The following CDKN2B-AS1 variants were observed in gnomAD, a reference collection of about 807,000 sequenced individuals.
The protein encoded by CDKN2B-AS1 is CDKN2B and CDKN2A antisense cis and trans regulatory RNA 1.
intron 4 of CDKN2B-AS1, among the ~76,000 whole-genome samples, chr9:22,068,268 G>T (rs940359563): frequency 2.0e-5 from 3 of 152,064 alleles, no homozygotes; most frequent in African/African-American, 4.8e-5. Flanking sequence ...TGGACCTCAA[G>T]GACTTTACAA....
chr9:22,090,988 T>C (rs536427558), intron 4 of CDKN2B-AS1, among the ~76,000 whole-genome samples: 30 of 152,326 alleles, frequency 2.0e-4, no homozygotes, highest in African/African-American at 6.0e-4. Context: ...TAATCCATCT[T>C]GAACTAATTT....
chr9:22,105,345 T>C (rs756385026), intron 4 of CDKN2B-AS1, among the ~76,000 whole-genome samples: 1 of 152,212 alleles, frequency 6.6e-6, no homozygotes, highest in African/African-American at 2.4e-5. Context: ...TAAATAAACA[T>C]GATCATTTAT....
At chr9:22,055,421 G>C (rs1823519603) in intron 3 of CDKN2B-AS1, among the ~76,000 whole-genome samples, 1 of 152,146 alleles carries the variant, frequency 6.6e-6, no homozygotes, top group Non-Finnish European at 1.5e-5. Flanking sequence ...TTTGCAACTT[G>C]CCATTTTCTT....
chr9:22,026,408 C>T (rs1201047537), intron 1 of CDKN2B-AS1, among the ~76,000 whole-genome samples: 2 of 152,192 alleles, frequency 1.3e-5, no homozygotes, highest in African/African-American at 4.8e-5. Context: ...CTGTGCTGTG[C>T]TGGGGGATCT....
chr9:22,023,533 A>G (rs1055313245), intron 1 of CDKN2B-AS1, among the ~76,000 whole-genome samples: 1 of 152,004 alleles, frequency 6.6e-6, no homozygotes, highest in African/African-American at 2.4e-5. Context: ...CAGGAGTTTG[A>G]GACCAGCCTG....
At chr9:22,075,866 G>C (rs1824471422) in intron 4 of CDKN2B-AS1, among the ~76,000 whole-genome samples, 2 of 152,082 alleles carry the variant, frequency 1.3e-5, no homozygotes, top group African/African-American at 2.4e-5. Context: ...GACTGTTAGA[G>C]CAGGGAAACT....
At chr9:22,042,290 G>A (rs1003477958) in intron 1 of CDKN2B-AS1, among the ~76,000 whole-genome samples, 10 of 151,992 alleles carry the variant, frequency 6.6e-5, no homozygotes, top group African/African-American at 1.9e-4. Context: ...CATGTTTCAG[G>A]CACTGGACAC....
rs1422531635 is a variant in CDKN2B-AS1, at chr9:22,039,647, A to T, written n.30-7104A>T. 6.6e-6 allele frequency among the ~76,000 whole-genome samples: 1 copy of T among 151,990 alleles called. No individual in the cohort carries two copies. Among genetic ancestry groups the T allele is most frequent in the Non-Finnish European group, 1.5e-5 (1 of 67,948 alleles). On this transcript the variant is annotated intron_variant and non_coding_transcript_variant, in intron 1 of 4. Coordinates refer to ENST00000650946, the Ensembl canonical transcript of CDKN2B-AS1. This position sits in a 1 kb window ranked among gnomAD's most constrained non-coding sequence, Gnocchi z 4.4. ...TTTGGATAATTTATATAGTCTCTTAAAAAAACAGATTATAGTAAGAAGTGG... is the reference window on the plus strand; with the variant it reads ...TTTGGATAATTTATATAGTCTCTTATAAAAACAGATTATAGTAAGAAGTGG...
chr9:22,049,242 A>C (rs1823235213), intron 3 of CDKN2B-AS1: 1 of 152,142 alleles, frequency 6.6e-6, no homozygotes, highest in African/African-American at 2.4e-5. Flanking sequence ...GGAGATATGA[A>C]ACGACCTTTT....
At chr9:22,052,583 C>G (rs1587462043) in intron 3 of CDKN2B-AS1, among the ~76,000 whole-genome samples, 1 of 152,166 alleles carries the variant, frequency 6.6e-6, no homozygotes, top group African/African-American at 2.4e-5. Context: ...AATACTCCCA[C>G]AGAGCACTCT....
At chr9:22,109,594 G>A (rs1044086053) in intron 4 of CDKN2B-AS1, among the ~76,000 whole-genome samples, 1 of 152,142 alleles carries the variant, frequency 6.6e-6, no homozygotes, top group Admixed American at 6.6e-5. Flanking sequence ...GTATTTTATT[G>A]TATGCCCATC....
intron 4 of CDKN2B-AS1, among the ~76,000 whole-genome samples, chr9:22,072,158 C>T (rs1824321381): frequency 6.6e-6 from 1 of 152,172 alleles, no homozygotes; most frequent in South Asian, 2.1e-4. Context: ...CTGTGGGTAA[C>T]TTGGGCCCAT....
chr9:21,998,997 A>T (rs992776417), intron 1 of CDKN2B-AS1, among the ~76,000 whole-genome samples: 3 of 152,206 alleles, frequency 2.0e-5, no homozygotes, highest in African/African-American at 7.2e-5. Flanking sequence ...AGGATATAAT[A>T]GTTTATAGTA....
intron 1 of CDKN2B-AS1, chr9:22,009,441 G>T: frequency 3.4e-6 from 1 of 294,520 alleles, no homozygotes; most frequent in Non-Finnish European, 6.5e-6. Context: ...CGAGGGCGGG[G>T]AAGCCTGCCC....
chr9:22,055,529 A>G lies in CDKN2B-AS1; in HGVS notation n.303-723A>G, dbSNP rs555451877. Among the ~76,000 whole-genome samples, 5 of 152,330 alleles carry G rather than the reference A, an allele frequency of 3.3e-5. No individual in the cohort carries two copies. The South Asian group carries it at 1.0e-3, about 32-fold the overall frequency. ...AGGCAGGATAAGTAGTTTTGCCAGC[A>G]TTCTTCTGTAGGTAGGTTGGTTGTT... On this transcript the variant is annotated intron_variant and non_coding_transcript_variant, in intron 3 of 4. Transcript: ENST00000650946.
intron 4 of CDKN2B-AS1, among the ~76,000 whole-genome samples, chr9:22,123,613 G>C (rs1826138914): frequency 6.6e-6 from 1 of 151,450 alleles, no homozygotes; most frequent in African/African-American, 2.4e-5. Context: ...CAATGATCCA[G>C]AAGTAATGAT....
At chr9:22,053,952 T>C (rs1344936769) in intron 3 of CDKN2B-AS1, among the ~76,000 whole-genome samples, 1 of 90,158 alleles carries the variant, frequency 1.1e-5, no homozygotes, top group Non-Finnish European at 2.2e-5. Flanking sequence ...TAAGCAGCCT[T>C]AAATTAAAAA....
chr9:22,118,190 C>G (rs1378948904), intron 4 of CDKN2B-AS1: 1 of 152,204 alleles, frequency 6.6e-6, no homozygotes, highest in Non-Finnish European at 1.5e-5. Flanking sequence ...AGTTGCACCA[C>G]ATAGTCACCT....
chr9:22,061,516 TCTGA>T lies in CDKN2B-AS1; in HGVS notation n.438+5135_438+5138del, dbSNP rs1490235560. Among the ~76,000 whole-genome samples, 11 of 152,178 alleles carry T rather than the reference TCTGA, an allele frequency of 7.2e-5. No individual in the cohort carries two copies. The South Asian group carries it at 1.7e-3, about 23-fold the overall frequency. On this transcript the variant is annotated intron_variant and non_coding_transcript_variant, in intron 4 of 4. Coordinates refer to ENST00000650946, the Ensembl canonical transcript of CDKN2B-AS1. Reference sequence around the variant, plus strand: ...AAACATGGATCATTATTAATATGTGTCTGACTGACATTTAAAATGCATAATCAAA... The same window carrying T: ...AAACATGGATCATTATTAATATGTGTCTGACATTTAAAATGCATAATCAAA...
Sources: allele counts gnomAD v4.1 joint callset (sites outside exome capture counted in the v4.1 genomes callset), GRCh38; gene constraint gnomAD v4.1.1; non-coding constraint Gnocchi (gnomAD v3.1); transcripts MANE v1.5; gene names NCBI Gene and HGNC (gene_info 2026-07-23, HGNC 2026-07-21).